The following DDX31 variants were observed in gnomAD, a reference collection of about 807,000 sequenced individuals.
DDX31 encodes ATP-dependent DNA helicase DDX31.
DDX31 carries 70 observed loss-of-function variants against 91.3 expected under a neutral mutation model. That is an observed-to-expected ratio of 0.77 (90% CI 0.63 to 0.94). The LOEUF is 0.94. Among genes scored for constraint, DDX31 ranks in the 40% least tolerant of loss-of-function variants. The pLI is 0.00. For synonymous variants in DDX31, 362 were observed against 350.6 expected (o/e 1.03, Z -0.36); for missense variants, 902 against 925.0 (o/e 0.98, Z 0.32).
intron 15 of DDX31, 89 bp from the exon 16 acceptor site, chr9:132,630,492 T>C: frequency 7.7e-7 from 1 of 1,303,518 alleles, no homozygotes; most frequent in Non-Finnish European, 1.0e-6. Flanking sequence ...CCTCCAGGTA[T>C]CCCAAGAATT....
rs1830344432 is a variant in DDX31, at chr9:132,594,644, C to A, written c.*222G>T. The A allele has an allele frequency of 1.6e-6, 1 of 637,614 alleles. No homozygotes were observed. The highest frequency in any genetic ancestry group is 2.0e-5 in the South Asian group (1 of 50,430). The allele number at this position is 637,614 out of a possible 1,614,324, so 39.5% of individuals were successfully genotyped here. A position where few individuals can be genotyped will look rare whatever the true frequency, so the allele number is the denominator to read the frequency against. On this transcript the variant is annotated 3_prime_UTR_variant, in exon 20 of 20. Transcript: ENST00000372159. ...GATCAATACAAGACACAGACCCCTT[C>A]CGTCGGGAGCTGGCTAGTCTCTACA...
intron 14 of DDX31, among the ~76,000 whole-genome samples, chr9:132,637,647 T>C (rs767099688): frequency 1.4e-4 from 21 of 152,192 alleles, no homozygotes; most frequent in Non-Finnish European, 2.4e-4. Flanking sequence ...AGGCCCCCGT[T>C]GTCCGGGTGA....
At chr9:132,611,278 A>C (rs374804990) in intron 19 of DDX31, among the ~76,000 whole-genome samples, 4 of 152,194 alleles carry the variant, frequency 2.6e-5, no homozygotes, top group African/African-American at 9.6e-5. Context: ...CTGTGCCCCA[A>C]ACATTTGTTC....
At chr9:132,656,761 A>G (rs1396367085) in intron 6 of DDX31, among the ~76,000 whole-genome samples, 1 of 152,206 alleles carries the variant, frequency 6.6e-6, no homozygotes, top group Non-Finnish European at 1.5e-5. Context: ...TTCCAGCTCA[A>G]ATAGTCCAAA....
intron 18 of DDX31, among the ~76,000 whole-genome samples, chr9:132,612,906 C>T (rs757095573): frequency 6.6e-5 from 10 of 152,088 alleles, no homozygotes; most frequent in Non-Finnish European, 1.5e-4. Context: ...ACTCACTGGA[C>T]TTTTTAAATT....
chr9:132,609,662 C>G (rs758713682), intron 19 of DDX31, among the ~76,000 whole-genome samples: 19 of 152,192 alleles, frequency 1.2e-4, no homozygotes, highest in Non-Finnish European at 2.6e-4. Context: ...CACTCTGTCG[C>G]CCAGGCTGGA....
rs752777230 is a variant in DDX31 at position 132,595,089 on chromosome 9, T to C, written c.2018A>G (p.Gln673Arg). 9 of 1,614,188 alleles carry C rather than the reference T, an allele frequency of 5.6e-6. No individual in the cohort carries two copies. The highest frequency in any genetic ancestry group is 2.2e-5 in the South Asian group (2 of 91,090). Residue 673 changes from glutamine (Q) to arginine (R), a missense_variant, in exon 20 of 20, where the codon CAG becomes CGG. Coordinates refer to ENST00000372159, the MANE Select transcript of DDX31 (RefSeq NM_022779.9). This position sits in a 1 kb window ranked among gnomAD's most constrained non-coding sequence, Gnocchi z 4.6. ...GATTTCAGCGAGGCTGTGTTTACTC[T>C]GGGTCTTCTTATGAAGGTCAGGCCT... ...VKRPDLHKKT[Q>R]SKHSLAEILR...
rs545911071 is a variant in DDX31 at position 132,642,160 on chromosome 9, G to C, written c.1381-97C>G. 2.5e-5 allele frequency: 27 copies of C among 1,094,644 alleles called. No homozygotes were observed. In the African/African-American group the frequency reaches 3.4e-4, roughly 14 times the overall value. 67.8% of individuals were successfully genotyped at this position (1,094,644 alleles called of 1,614,324 possible). ...TAGCTCTCTCCATCTCCTACTGCTA[G>C]AGCTATTTTCAGGCACAGAGAGGTT... On this transcript the variant is annotated intron_variant, in intron 13 of 19. Transcript: ENST00000372159.
At chr9:132,666,256 T>C (rs1023545828) in intron 1 of DDX31, among the ~76,000 whole-genome samples, 7 of 152,136 alleles carry the variant, frequency 4.6e-5, no homozygotes, top group Non-Finnish European at 7.3e-5. Flanking sequence ...GGCTCTCTTT[T>C]CTCCTTTGCT....
chr9:132,646,061 T>A lies in DDX31; in HGVS notation c.1214A>T (p.Asp405Val). The A allele has an allele frequency of 6.2e-7, 1 of 1,613,986 alleles. No individual in the cohort carries two copies. The highest frequency in any genetic ancestry group is 8.5e-7 in the Non-Finnish European group (1 of 1,179,938). Residue 405 changes from aspartate (D) to valine (V), a missense_variant, in exon 13 of 20, where the codon GAC (aspartate) becomes GTC (valine). By Grantham distance (152) the Asp-to-Val change is radical. Transcript: ENST00000372159. ...FILQKCKFEEDQKMVVFFSSC... is the reference protein window; with the variant it reads ...FILQKCKFEEVQKMVVFFSSC... ...TGAGAAAAAGACAACCATCTTCTGG[T>A]CTTCCTCAAACTACATCGATACAAA...
chr9:132,661,776 A>C (rs577075595), intron 3 of DDX31, among the ~76,000 whole-genome samples: 2 of 152,170 alleles, frequency 1.3e-5, no homozygotes, highest in South Asian at 4.2e-4. Flanking sequence ...TAAAGTGTCC[A>C]TTTGTTTGTA....
intron 6 of DDX31, among the ~76,000 whole-genome samples, chr9:132,654,626 C>T (rs2130807675): frequency 6.7e-6 from 1 of 149,388 alleles, no homozygotes. Context: ...CAAAACAAAA[C>T]AAAACAAAAC....
At chr9:132,643,072 C>A (rs1833598688) in intron 13 of DDX31, among the ~76,000 whole-genome samples, 1 of 152,198 alleles carries the variant, frequency 6.6e-6, no homozygotes, top group African/African-American at 2.4e-5. Flanking sequence ...AACTCACCAG[C>A]CTCAGCCTCC....
At chr9:132,638,505 G>A (rs1420655109) in intron 14 of DDX31, 1 of 1,215,954 alleles carries the variant, frequency 8.2e-7, no homozygotes, top group South Asian at 1.4e-5. Flanking sequence ...TACTTAACTT[G>A]GCTTTTTCTT....
At chr9:132,652,128 T>C (rs978309134) in intron 7 of DDX31, among the ~76,000 whole-genome samples, 4 of 152,236 alleles carry the variant, frequency 2.6e-5, no homozygotes, top group African/African-American at 9.6e-5. Context: ...CAACTGCTTT[T>C]GGTTTTGAAT....
chr9:132,646,388 C>A (rs1428580167), intron 12 of DDX31, among the ~76,000 whole-genome samples: 3 of 152,190 alleles, frequency 2.0e-5, no homozygotes, highest in Non-Finnish European at 4.4e-5. Flanking sequence ...CACTACCTGG[C>A]TGAGACCCTA....
chr9:132,597,817 A>C (rs1012191875), intron 19 of DDX31, among the ~76,000 whole-genome samples: 1 of 152,120 alleles, frequency 6.6e-6, no homozygotes, highest in Admixed American at 6.5e-5. Flanking sequence ...TCCCTTCACA[A>C]ACACCGTGGG....
chr9:132,613,787 G>A (rs1311382947), intron 18 of DDX31, among the ~76,000 whole-genome samples: 1 of 152,216 alleles, frequency 6.6e-6, no homozygotes, highest in Non-Finnish European at 1.5e-5. Context: ...TCCCAGGAGG[G>A]TGGAGCTTTG....
chr9:132,660,504 G>T (rs1240509318), intron 4 of DDX31, among the ~76,000 whole-genome samples: 4 of 152,148 alleles, frequency 2.6e-5, no homozygotes, highest in Non-Finnish European at 5.9e-5. Context: ...TATTCAGAGA[G>T]CCAGCAGCAG....
Sources: allele counts gnomAD v4.1 joint callset (sites outside exome capture counted in the v4.1 genomes callset), GRCh38; gene constraint gnomAD v4.1.1; non-coding constraint Gnocchi (gnomAD v3.1); transcripts MANE v1.5; gene names NCBI Gene and HGNC (gene_info 2026-07-23, HGNC 2026-07-21).